Variants in TDRKH observed in about 807,000 individuals in gnomAD.
The protein encoded by TDRKH is tudor and KH domain containing, also known as tudor and KH domain-containing protein.
TDRKH carries 28 observed loss-of-function variants against 61.3 expected under a neutral mutation model. The observed-to-expected ratio is 0.46, with a 90% CI of 0.34 to 0.63. The LOEUF is 0.63. Ranked by LOEUF, TDRKH falls within the 20% of genes least tolerant of loss-of-function variation. The pLI, the probability that TDRKH is intolerant of heterozygous loss-of-function variation, is 0.01. For synonymous variants in TDRKH, 219 were observed against 244.4 expected (o/e 0.90, Z 0.97); for missense variants, 540 against 683.4 (o/e 0.79, Z 2.34).
downstream of TDRKH, among the ~76,000 whole-genome samples, chr1:151,773,225 G>C (rs573093974): frequency 2.6e-5 from 4 of 152,178 alleles, no homozygotes; most frequent in Non-Finnish European, 5.9e-5. Flanking sequence ...TGTATTTTTA[G>C]TAGAGACAGG....
rs71093211 is a variant in TDRKH, at chr1:151,787,808, CAAAAAAAAAAAA to C, written c.-28+2560_-28+2571del. ...GCAACATAGTGAGACTCTGTTTCTA[CAAAAAAAAAAAA>C]AAAAAAAAAAAAAAAAAAATTAGCT... On this transcript the variant is annotated intron_variant, in intron 1 of 12. Coordinates refer to ENST00000368824, the MANE Select transcript of TDRKH (RefSeq NM_001083965.2). Among the ~76,000 whole-genome samples the C allele has an allele frequency of 1.2e-4, 6 of 50,580 alleles. No homozygotes were observed. The East Asian group carries it at 2.0e-3, about 17-fold the overall frequency. The allele number at this position is 50,580 out of a possible 152,430, so 33.2% of individuals were successfully genotyped here. A position where few individuals can be genotyped will look rare whatever the true frequency, so the allele number is the denominator to read the frequency against.
At position 151,778,854 on chromosome 1, in the gene TDRKH, T is replaced by C; in HGVS notation, c.714A>G (p.Lys238=). 1 of 1,614,194 alleles carries C rather than the reference T, an allele frequency of 6.2e-7. No homozygotes were observed. The highest frequency in any genetic ancestry group is 8.5e-7 in the Non-Finnish European group (1 of 1,180,030). ...PGGAGEPALW[K]NTSSSMEPTA... is the part of the protein sequence containing the mutation. ...TCGGCTCCATGCTAGAACTGGTGTT[T>C]TTCCATAATGCTGGCTCTCCAGCTC... The change falls in exon 6 of 13, where the codon AAA becomes AAG. Residue 238 remains lysine (K), a synonymous_variant. Coordinates refer to ENST00000368824, the MANE Select transcript of TDRKH (RefSeq NM_001083965.2).
At chr1:151,767,378 T>TG, downstream of TDRKH, 1 of 1,551,642 alleles carries the variant, frequency 6.4e-7, no homozygotes, top group Non-Finnish European at 8.7e-7. Context: ...ATTAGCAAGT[T>TG]GGAAGATGAA....
At chr1:151,776,309 T>C in intron 7 of TDRKH, 41 bp from the exon 8 acceptor site, 2 of 1,604,630 alleles carry the variant, frequency 1.2e-6, no homozygotes, top group Non-Finnish European at 1.7e-6. Context: ...AGTTACAAAG[T>C]GGTAGGCTCA....
Position 151,780,119 on chromosome 1 carries a change from G to A in TDRKH, c.253C>T (p.Arg85Trp). The A allele has an allele frequency of 6.2e-7, 1 of 1,612,068 alleles. No individual in the cohort carries two copies. Among genetic ancestry groups the A allele is most frequent in the Non-Finnish European group, 8.5e-7 (1 of 1,178,348 alleles). Reference protein sequence around the residue: ...IKQLRKQTGARIDVDTEDVGD... With the variant: ...IKQLRKQTGAWIDVDTEDVGD... ...ACATCCTCTGTGTCCACATCAATCC[G>A]AGCACCTGTCTGTTTCCGCAGCTGC... Residue 85 changes from arginine to tryptophan, a missense_variant, in exon 4 of 13, where the codon CGG becomes TGG. This residue lies in a region of TDRKH where 156 missense variants were observed against 218.0 expected (regional missense o/e 0.72). Transcript: ENST00000368824.
At chr1:151,772,204 G>C (rs1416619409), downstream of TDRKH, among the ~76,000 whole-genome samples, 1 of 152,020 alleles carries the variant, frequency 6.6e-6, no homozygotes, top group Non-Finnish European at 1.5e-5. Context: ...GGGCTCAAGC[G>C]ATCCTCCCAC....
rs764785066 is a variant in TDRKH at position 151,776,147 on chromosome 1, A to G, written c.1166T>C (p.Val389Ala). ...GCAATCTCCATTATCTCCAAAGTCAACAAAATAGAGGTCCAAGTTCCCATT... is the reference window on the plus strand; with the variant it reads ...GCAATCTCCATTATCTCCAAAGTCAGCAAAATAGAGGTCCAAGTTCCCATT... ...LENGNLDLYF[V>A]DFGDNGDCPL... Residue 389 changes from valine to alanine, a missense_variant, in exon 8 of 13, where the codon GTT (valine) becomes GCT (alanine). Val to Ala is a moderately conservative substitution (Grantham distance 64). Around this residue, in one of 3 missense-constraint regions of TDRKH, gnomAD observed 379 missense variants for 443.8 expected, o/e 0.85. Transcript: ENST00000368824. 1 of 1,614,150 alleles carries G rather than the reference A, an allele frequency of 6.2e-7. No individual in the cohort carries two copies. Among genetic ancestry groups the G allele is most frequent in the South Asian group, 1.1e-5 (1 of 91,080 alleles).
At chr1:151,768,959 T>C (rs2101556935), downstream of TDRKH, among the ~76,000 whole-genome samples, 1 of 152,210 alleles carries the variant, frequency 6.6e-6, no homozygotes, top group South Asian at 2.1e-4. Flanking sequence ...CACAGCACGT[T>C]TCAGAGAGCA....
At chr1:151,774,978 C>T in intron 11 of TDRKH, 87 bp downstream of exon 11, 1 of 1,458,980 alleles carries the variant, frequency 6.9e-7, no homozygotes, top group Non-Finnish European at 9.5e-7. Flanking sequence ...CTTAGGAAAG[C>T]TAACACAGTA....
intron 3 of TDRKH, among the ~76,000 whole-genome samples, 153 bp downstream of exon 3, chr1:151,781,328 A>ATATATATATATATATATATATATAT (rs1553282748): frequency 4.2e-4 from 29 of 68,536 alleles, no homozygotes; most frequent in African/African-American, 8.7e-4. Context: ...AAAAAAAAAA[A>ATATATATATATATATATATATATAT]ATATATATAT....
intron 6 of TDRKH, 21 bp from the exon 7 acceptor site, chr1:151,776,620 G>C: frequency 6.2e-7 from 1 of 1,612,590 alleles, no homozygotes; most frequent in African/African-American, 1.3e-5. Context: ...AGATAAGGAT[G>C]GTGGCCACAT....
intron 4 of TDRKH, 60 bp downstream of exon 4, chr1:151,779,891 G>A (rs1649584167): frequency 4.6e-6 from 7 of 1,516,456 alleles, no homozygotes; most frequent in South Asian, 1.3e-5. Flanking sequence ...CTGGGAAGGT[G>A]TGAAAGAGGG....
In TDRKH at chr1:151,789,398, A is replaced by G. The variant is rs114500367; in HGVS notation, c.-28+982T>C. Among the ~76,000 whole-genome samples, 1,474 of 152,342 alleles carry G rather than the reference A, an allele frequency of 9.7e-3. 19 individuals carry two copies. Among genetic ancestry groups the G allele is most frequent in the African/African-American group, 0.034 (1,397 of 41,570 alleles). On this transcript the variant is annotated intron_variant, in intron 1 of 12. Transcript: ENST00000368824. ...ATATAATGTAAACGGGGATAACTGC[A>G]TAGTACTGACTGCTAGCTTGTGTTT...
At position 151,780,537 on chromosome 1, in the gene TDRKH, T is replaced by G. The variant is rs191059141; in HGVS notation, c.232-397A>C. Among the ~76,000 whole-genome samples, 326 of 152,116 alleles carry G rather than the reference T, an allele frequency of 2.1e-3. 4 individuals are homozygous for G. Among genetic ancestry groups the G allele is most frequent in the African/African-American group, 7.7e-3 (319 of 41,484 alleles). ...AATATTTACTGTCAATTAATGAGAG[T>G]TCATTAATTCCATAGTAGAAAAGGA... On this transcript the variant is annotated intron_variant, in intron 3 of 12. Coordinates refer to ENST00000368824, the MANE Select transcript of TDRKH (RefSeq NM_001083965.2).
downstream of TDRKH, chr1:151,767,177 A>T (rs1648395308): frequency 6.2e-7 from 1 of 1,613,804 alleles, no homozygotes; most frequent in Non-Finnish European, 8.5e-7. Context: ...ACTTATAAGG[A>T]AGAGGAGGAC....
At chr1:151,767,100 G>GT, downstream of TDRKH, 1 of 1,591,646 alleles carries the variant, frequency 6.3e-7, no homozygotes, top group East Asian at 2.2e-5. Flanking sequence ...CCAGAGCCTG[G>GT]TACTGTGTAT....
chr1:151,779,900 G>A, intron 4 of TDRKH, 51 bp downstream of exon 4: 1 of 1,533,284 alleles, frequency 6.5e-7, no homozygotes, highest in Admixed American at 1.9e-5. Context: ...TGTGAAAGAG[G>A]GGCAAAGGTA....
chr1:151,788,165 T>C (rs967220768), intron 1 of TDRKH, among the ~76,000 whole-genome samples: 8 of 152,224 alleles, frequency 5.3e-5, no homozygotes, highest in Non-Finnish European at 8.8e-5. Context: ...AATGCGACAG[T>C]TGAAAGTAGC....
chr1:151,776,458 T>C lies in TDRKH; in HGVS notation c.1025A>G (p.Gln342Arg), dbSNP rs1649192803. The C allele has an allele frequency of 2.5e-6, 4 of 1,614,116 alleles. No individual in the cohort carries two copies. Among genetic ancestry groups the C allele is most frequent in the Non-Finnish European group, 3.4e-6 (4 of 1,180,048 alleles). The change falls in exon 7 of 13, where the codon CAG (glutamine) becomes CGG (arginine). Residue 342 changes from glutamine (Q) to arginine (R), a missense_variant. Transcript: ENST00000368824. ...ACTCACCACACTATTCTCATAGTGC[T>C]GGGTCATCTCATTGACAAGCTTATC... ...QLDKLVNEMT[Q>R]HYENSVPEDL...
Sources: allele counts gnomAD v4.1 joint callset (sites outside exome capture counted in the v4.1 genomes callset), GRCh38; gene constraint gnomAD v4.1.1; regional missense constraint gnomAD v4.1.1; transcripts MANE v1.5; gene names NCBI Gene and HGNC (gene_info 2026-07-23, HGNC 2026-07-21).